STYXL2: variants seen among roughly 807,000 people sequenced by gnomAD.
STYXL2 encodes the protein serine/threonine/tyrosine interacting like 2, also known as serine/threonine/tyrosine-interacting-like protein 2.
In STYXL2, 44 loss-of-function variants were observed where a neutral mutation model predicts 52.4. The observed-to-expected ratio is 0.84, with a 90% CI of 0.66 to 1.08. The LOEUF (loss-of-function observed/expected upper bound fraction) is 1.08, where lower values mean the gene tolerates loss of function less well. Among genes scored for constraint, STYXL2 ranks in the 50% least tolerant of loss-of-function variants. The pLI is 0.00. For missense variants in STYXL2, 1,604 were observed against 1,471.7 expected (o/e 1.09, Z -1.47); for synonymous variants, 604 against 586.9 (o/e 1.03, Z -0.42).
At chr1:167,119,833 G>A (rs1233672051) in intron 5 of STYXL2, among the ~76,000 whole-genome samples, 2 of 152,214 alleles carry the variant, frequency 1.3e-5, no homozygotes, top group Non-Finnish European at 2.9e-5. Context: ...TAGCTCCTTG[G>A]AGAGCATGGG....
At chr1:167,099,931 TA>T (rs1286750328) in intron 2 of STYXL2, among the ~76,000 whole-genome samples, 3 of 152,258 alleles carry the variant, frequency 2.0e-5, no homozygotes, top group Non-Finnish European at 2.9e-5. Context: ...ATATTTATTT[TA>T]AAAACTGCCT....
rs199800806 is a variant in STYXL2, at chr1:167,094,920, C to T, written c.71C>T (p.Ala24Val). ...PSEEDEANVRAVQAHYLRSPS... is the reference protein window; with the variant it reads ...PSEEDEANVRVVQAHYLRSPS... Reference sequence around the variant, plus strand: ...GAGGAGGACGAAGCCAACGTGAGGGCGGTGCAGGCCCACTACCTCCGAAGC... The same window carrying T: ...GAGGAGGACGAAGCCAACGTGAGGGTGGTGCAGGCCCACTACCTCCGAAGC... Residue 24 changes from alanine (A) to valine (V), a missense_variant, in exon 2 of 6, where the codon GCG (alanine) becomes GTG (valine). Transcript: ENST00000361200. The T allele has an allele frequency of 8.1e-6, 13 of 1,611,462 alleles. No individual in the cohort carries two copies. The highest frequency in any genetic ancestry group is 5.0e-5 in the Admixed American group (3 of 59,744).
intron 2 of STYXL2, among the ~76,000 whole-genome samples, chr1:167,095,874 T>C (rs1281171709): frequency 2.0e-5 from 3 of 152,162 alleles, no homozygotes; most frequent in Admixed American, 6.5e-5. Context: ...GCTCTTGGGA[T>C]CTTGCTGGCT....
At chr1:167,103,274 T>A (rs75126937) in intron 2 of STYXL2, among the ~76,000 whole-genome samples, 3,812 of 152,300 alleles carry the variant, frequency 0.025, 134 homozygotes, top group African/African-American at 0.086. Flanking sequence ...CAAAAAAGAT[T>A]ACATTCCCAG....
intron 5 of STYXL2, 142 bp downstream of exon 5, chr1:167,119,608 G>A: frequency 1.4e-6 from 1 of 716,144 alleles, no homozygotes; most frequent in South Asian, 1.8e-5. Flanking sequence ...AAGGAGAAAA[G>A]ACAGGATAAT....
intron 2 of STYXL2, among the ~76,000 whole-genome samples, chr1:167,103,752 G>T (rs78493962): frequency 0.17 from 26,031 of 152,058 alleles, 2,469 homozygotes; most frequent in Middle Eastern, 0.23. Context: ...GTCAGTGGGG[G>T]AGCTTGGTGG....
intron 2 of STYXL2, among the ~76,000 whole-genome samples, chr1:167,096,212 C>G (rs777225992): frequency 6.6e-6 from 1 of 151,934 alleles, no homozygotes; most frequent in East Asian, 1.9e-4. Flanking sequence ...GAGCCGAGAT[C>G]GCGCCACTGA....
At chr1:167,121,362 T>G (rs1341856807) in intron 5 of STYXL2, among the ~76,000 whole-genome samples, 2 of 152,228 alleles carry the variant, frequency 1.3e-5, no homozygotes, top group African/African-American at 4.8e-5. Context: ...TGGGATTGAA[T>G]GGGTCTGTCG....
At chr1:167,111,423 A>T (rs1234093870) in intron 2 of STYXL2, among the ~76,000 whole-genome samples, 1 of 147,588 alleles carries the variant, frequency 6.8e-6, no homozygotes, top group African/African-American at 2.5e-5. Context: ...ACATGGAACC[A>T]GCCCAAATGC....
chr1:167,120,000 T>C (rs926710599), intron 5 of STYXL2, among the ~76,000 whole-genome samples: 1 of 152,186 alleles, frequency 6.6e-6, no homozygotes, highest in African/African-American at 2.4e-5. Flanking sequence ...CCAGTGTCGA[T>C]GAGCATGGTG....
At position 167,127,064 on chromosome 1, in the gene STYXL2, A is replaced by T. The variant is rs145537197; in HGVS notation, c.1933A>T (p.Ser645Cys). ...GCTGGAGGAGAGCCAGTCTATGGCA[A>T]GCTGGGAGGCGGACAGCTCCACGGC... ...QTLEESQSMA[S>C]WEADSSTASG... is the part of the protein sequence containing the mutation. The change falls in exon 6 of 6, where the codon AGC (serine) becomes TGC (cysteine). Residue 645 changes from serine (S) to cysteine (C), a missense_variant. Transcript: ENST00000361200. 3.3e-5 allele frequency: 53 copies of T among 1,612,218 alleles called. No homozygotes were observed. The highest frequency in any genetic ancestry group is 4.3e-5 in the Non-Finnish European group (51 of 1,178,860).
intron 2 of STYXL2, among the ~76,000 whole-genome samples, chr1:167,107,598 G>A (rs893740829): frequency 5.3e-5 from 8 of 152,174 alleles, no homozygotes; most frequent in African/African-American, 1.9e-4. Context: ...GCTGATTGTT[G>A]TAACTGCCAC....
chr1:167,099,893 T>C (rs1203974418), intron 2 of STYXL2, among the ~76,000 whole-genome samples: 1 of 152,258 alleles, frequency 6.6e-6, no homozygotes, highest in African/African-American at 2.4e-5. Flanking sequence ...CAATTAGCAG[T>C]AGGCTAGATA....
intron 2 of STYXL2, among the ~76,000 whole-genome samples, chr1:167,106,215 A>T (rs2102228022): frequency 6.6e-6 from 1 of 152,280 alleles, no homozygotes; most frequent in African/African-American, 2.4e-5. Context: ...CCGGATGGAT[A>T]ATCCCAGGCC....
chr1:167,124,565 A>T (rs1667922826), intron 5 of STYXL2, among the ~76,000 whole-genome samples: 1 of 152,196 alleles, frequency 6.6e-6, no homozygotes, highest in Admixed American at 6.5e-5. Context: ...TGCAAAGCCG[A>T]AAAGGAGGCC....
In STYXL2 at chr1:167,128,099, ACCT is replaced by A; in HGVS notation, c.2975_2977del (p.Ser992del). 1 of 1,614,086 alleles carries A rather than the reference ACCT, an allele frequency of 6.2e-7. No individual in the cohort carries two copies. The highest frequency in any genetic ancestry group is 8.5e-7 in the Non-Finnish European group (1 of 1,179,996). ...CAAATCCCAGTCAGAGGAACAGGAC[ACCT>A]CCTCCTACCACGAGGCAAATGGCAA... is the stretch of plus-strand genomic sequence containing the variant. On this transcript the variant is annotated inframe_deletion, in exon 6 of 6. Transcript: ENST00000361200.
At chr1:167,101,997 C>T (rs1667412633) in intron 2 of STYXL2, among the ~76,000 whole-genome samples, 1 of 152,070 alleles carries the variant, frequency 6.6e-6, no homozygotes, top group Admixed American at 6.5e-5. Context: ...ATTCATACAA[C>T]AACATGGATG....
chr1:167,111,883 T>C (rs1163730824), intron 2 of STYXL2, among the ~76,000 whole-genome samples: 1 of 152,010 alleles, frequency 6.6e-6, no homozygotes, highest in Non-Finnish European at 1.5e-5. Context: ...CCCAAAAACC[T>C]ACTGAAATAT....
At position 167,119,254 on chromosome 1, in the gene STYXL2, T is replaced by TCC; in HGVS notation, c.443_444insCC (p.Ala149ArgfsTer3). The TCC allele has an allele frequency of 6.2e-7, 1 of 1,614,096 alleles. No homozygotes were observed. Among genetic ancestry groups the TCC allele is most frequent in the Non-Finnish European group, 8.5e-7 (1 of 1,179,992 alleles). On this transcript the variant is annotated frameshift_variant, in exon 5 of 6. Coordinates refer to ENST00000361200, the MANE Select transcript of STYXL2 (RefSeq NM_001080426.3). LOFTEE classifies it high-confidence loss of function. The stretch of plus-strand genomic sequence containing the variant: ...GTCCCTGCCTCTTCCCGCAGGAGTG[T>TCC]GGCTGTGAACAAGGGGAGGCTGAAG...
Sources: allele counts gnomAD v4.1 joint callset (sites outside exome capture counted in the v4.1 genomes callset), GRCh38; gene constraint gnomAD v4.1.1; transcripts MANE v1.5; gene names NCBI Gene and HGNC (gene_info 2026-07-23, HGNC 2026-07-21).